SLC9D1: variants seen among roughly 807,000 people sequenced by gnomAD.
SLC9D1 encodes putative LAG1-interacting protein.
chr13:113,539,324 G>A, the SLC9D1 span: 171 of 1,603,924 alleles, frequency 1.1e-4, no homozygotes, highest in African/African-American at 2.0e-3. This position sits in a 1 kb window ranked among gnomAD's most constrained non-coding sequence, Gnocchi z 4.8. Context: ...GCACTGTGGG[G>A]TCTCATGTAA....
chr13:113,522,988 T>G, the SLC9D1 span, among the ~76,000 whole-genome samples: 4 of 152,200 alleles, frequency 2.6e-5, no homozygotes, highest in South Asian at 8.3e-4. Flanking sequence ...TGAACCAGCC[T>G]TGCATACCTG....
At chr13:113,503,381 GTGTA>G in the SLC9D1 span, 309 of 623,918 alleles carry the variant, frequency 5.0e-4, no homozygotes, top group East Asian at 9.6e-4. Flanking sequence ...GTGTGTGTGT[GTGTA>G]TGTGTGTTTT....
the SLC9D1 span, among the ~76,000 whole-genome samples, chr13:113,512,316 C>T: frequency 6.5e-5 from 7 of 107,876 alleles, no homozygotes; most frequent in Non-Finnish European, 1.1e-4. Flanking sequence ...TCTCAGGGGC[C>T]GGGACTGGAG....
the SLC9D1 span, chr13:113,498,517 A>C: frequency 4.4e-6 from 7 of 1,583,146 alleles, no homozygotes; most frequent in Non-Finnish European, 6.0e-6. Context: ...GACGACAATA[A>C]ATCAGTAAGC....
chr13:113,530,591 A>G, the SLC9D1 span: 4 of 152,174 alleles, frequency 2.6e-5, no homozygotes, highest in East Asian at 5.8e-4. Context: ...TTATATTTAA[A>G]ATATCAAAGA....
the SLC9D1 span, among the ~76,000 whole-genome samples, chr13:113,544,993 G>C: frequency 3.4e-3 from 511 of 152,366 alleles, 3 homozygotes; most frequent in Non-Finnish European, 5.9e-3. Flanking sequence ...CATTGGGTGT[G>C]TCTTGTGAAA....
chr13:113,544,450 G>A, the SLC9D1 span, among the ~76,000 whole-genome samples: 1 of 152,254 alleles, frequency 6.6e-6, no homozygotes, highest in Non-Finnish European at 1.5e-5. Flanking sequence ...CACTAGATGA[G>A]GGTTCGCCAG....
At chr13:113,503,762 G>C in the SLC9D1 span, 1 of 575,964 alleles carries the variant, frequency 1.7e-6, no homozygotes, top group South Asian at 2.2e-5. Flanking sequence ...AAAAATATCA[G>C]GTTTGAAAGC....
the SLC9D1 span, chr13:113,520,686 G>C: frequency 6.2e-7 from 1 of 1,613,992 alleles, no homozygotes; most frequent in African/African-American, 1.3e-5. Context: ...GGCTCTTCAT[G>C]GCCGTCATGC....
the SLC9D1 span, chr13:113,514,485 GCCATCCA>G: frequency 6.6e-6 from 1 of 150,458 alleles, no homozygotes; most frequent in Non-Finnish European, 1.5e-5. Flanking sequence ...TGAGATCGAC[GCCATCCA>G]CACAAGCCTG....
At chr13:113,547,315 C>A in the SLC9D1 span, 1 of 1,614,142 alleles carries the variant, frequency 6.2e-7, no homozygotes, top group Non-Finnish European at 8.5e-7. Flanking sequence ...CACGTGTTCC[C>A]CACGTTTGTG....
chr13:113,492,060 C>T, the SLC9D1 span, among the ~76,000 whole-genome samples: 8 of 152,270 alleles, frequency 5.3e-5, no homozygotes, highest in South Asian at 1.7e-3. Flanking sequence ...GGCTGGAGTG[C>T]AGTGGCTGGT....
chr13:113,491,671 G>A, the SLC9D1 span, among the ~76,000 whole-genome samples: 1 of 152,336 alleles, frequency 6.6e-6, no homozygotes, highest in East Asian at 1.9e-4. Flanking sequence ...TGAGGCCCAC[G>A]TTCTAACCTG....
At chr13:113,509,397 CCTGT>C in the SLC9D1 span, among the ~76,000 whole-genome samples, 24 of 144,364 alleles carry the variant, frequency 1.7e-4, 1 homozygote, top group Non-Finnish European at 3.1e-4. Flanking sequence ...TCTGGAGCTG[CCTGT>C]CTATGTTGGG....
chr13:113,536,665 C>A, the SLC9D1 span: 1 of 725,622 alleles, frequency 1.4e-6, no homozygotes, highest in Non-Finnish European at 1.7e-6. Context: ...TCACCGTGCA[C>A]CTGCTGCCAG....
the SLC9D1 span, among the ~76,000 whole-genome samples, chr13:113,538,237 G>GAT: frequency 1.3e-5 from 1 of 78,624 alleles, no homozygotes; most frequent in Admixed American, 1.5e-4. Flanking sequence ...TGCTTTGTGT[G>GAT]GTGTGTGTGT....
chr13:113,539,282 CG>C, the SLC9D1 span: 1 of 1,439,378 alleles, frequency 6.9e-7, no homozygotes, highest in East Asian at 2.3e-5. This position sits in a 1 kb window ranked among gnomAD's most constrained non-coding sequence, Gnocchi z 4.8. Context: ...TGCTGGGTCT[CG>C]GGGTGGCCTT....
chr13:113,524,456 T>A, the SLC9D1 span, among the ~76,000 whole-genome samples: 1 of 152,194 alleles, frequency 6.6e-6, no homozygotes, highest in Non-Finnish European at 1.5e-5. Context: ...TGCCTCAGCC[T>A]CCTGAGTAGC....
chr13:113,495,145 A>G, the SLC9D1 span, among the ~76,000 whole-genome samples: 28,180 of 152,204 alleles, frequency 0.19, 3,445 homozygotes, highest in African/African-American at 0.35. Context: ...ATAAGCCACC[A>G]TGCCCAACCA....
Sources: gnomAD v4.1 joint callset for allele counts (sites outside exome capture counted in the v4.1 genomes callset) on GRCh38, gnomAD v4.1.1 for gene constraint, Gnocchi (gnomAD v3.1) non-coding constraint, MANE v1.5 for transcripts, NCBI Gene and HGNC (gene_info 2026-07-23, HGNC 2026-07-21) for gene names.